The following KAZN variants were observed in gnomAD, a reference collection of about 807,000 sequenced individuals.
KAZN encodes the protein kazrin, periplakin interacting protein.
In KAZN, 40 loss-of-function variants were observed where a neutral mutation model predicts 87.4. The ratio of observed to expected loss-of-function variants is 0.46; its 90% CI spans 0.36 to 0.60. KAZN has a LOEUF of 0.60. Among genes scored for constraint, KAZN ranks in the 20% least tolerant of loss-of-function variants. KAZN has a pLI of 0.00. For missense variants in KAZN, 898 were observed against 1,073.9 expected (o/e 0.84, Z 2.29); for synonymous variants, 466 against 458.3 (o/e 1.02, Z -0.22).
At chr1:14,298,216 C>G (rs188434046) in intron 2 of KAZN, among the ~76,000 whole-genome samples, 1 of 152,138 alleles carries the variant, frequency 6.6e-6, no homozygotes, top group Admixed American at 6.5e-5. Flanking sequence ...CAGATTCAGA[C>G]CCGGTGTCTT....
At chr1:14,360,978 T>A (rs1659454615) in intron 2 of KAZN, among the ~76,000 whole-genome samples, 1 of 152,196 alleles carries the variant, frequency 6.6e-6, no homozygotes, top group Admixed American at 6.5e-5. Context: ...TGCTAGGAGA[T>A]CGGCTGCTCT....
chr1:14,584,046 C>T (rs1048468358), intron 2 of KAZN, among the ~76,000 whole-genome samples: 10 of 152,158 alleles, frequency 6.6e-5, no homozygotes, highest in Non-Finnish European at 1.3e-4. Flanking sequence ...GGATGTGTTG[C>T]GTGTGGACAT....
At chr1:14,890,533 CT>C (rs1363411384) in intron 1 of KAZN, among the ~76,000 whole-genome samples, 9 of 152,086 alleles carry the variant, frequency 5.9e-5, no homozygotes, top group African/African-American at 2.2e-4. Context: ...TTCTGCCCGC[CT>C]TTTAAAAAGA....
chr1:14,298,548 T>C (rs1191747799), intron 2 of KAZN, among the ~76,000 whole-genome samples: 1 of 152,266 alleles, frequency 6.6e-6, no homozygotes, highest in Non-Finnish European at 1.5e-5. Context: ...GTTCTTTTGA[T>C]ATATATCTCT....
intron 1 of KAZN, among the ~76,000 whole-genome samples, chr1:14,801,560 C>T (rs1369670931): frequency 2.6e-5 from 4 of 152,110 alleles, no homozygotes; most frequent in Non-Finnish European, 5.9e-5. Context: ...AGATAGTGGC[C>T]GTTTACCATG....
At chr1:14,488,803 C>G (rs183763660) in intron 2 of KAZN, among the ~76,000 whole-genome samples, 1 of 152,218 alleles carries the variant, frequency 6.6e-6, no homozygotes, top group Non-Finnish European at 1.5e-5. Context: ...CCCTCTCCAT[C>G]TGCCTCTGGC....
chr1:14,971,719 T>C (rs973458024), intron 2 of KAZN, among the ~76,000 whole-genome samples: 1 of 148,782 alleles, frequency 6.7e-6, no homozygotes, highest in African/African-American at 2.5e-5. Context: ...TCTCGCTCTG[T>C]TGCCCAGGCT....
At chr1:14,478,668 C>T (rs1027653098) in intron 2 of KAZN, among the ~76,000 whole-genome samples, 2 of 152,178 alleles carry the variant, frequency 1.3e-5, no homozygotes, top group Non-Finnish European at 2.9e-5. Context: ...CTTTTATGTC[C>T]CATGTGTCTC....
At chr1:14,853,532 G>A (rs1050202826) in intron 1 of KAZN, among the ~76,000 whole-genome samples, 1 of 152,106 alleles carries the variant, frequency 6.6e-6, no homozygotes, top group Non-Finnish European at 1.5e-5. Context: ...GTGGTAGGAG[G>A]GGGATTTGAA....
intron 1 of KAZN, among the ~76,000 whole-genome samples, chr1:14,134,141 T>C (rs1645054800): frequency 6.6e-6 from 1 of 152,216 alleles, no homozygotes; most frequent in African/African-American, 2.4e-5. Context: ...GCCAATTTTC[T>C]CATCTGCATG....
At chr1:14,593,372 T>C (rs1244142008) in intron 2 of KAZN, among the ~76,000 whole-genome samples, 2 of 152,152 alleles carry the variant, frequency 1.3e-5, no homozygotes, top group Non-Finnish European at 2.9e-5. Flanking sequence ...CAGAATGGGA[T>C]ATAAACCCTG....
chr1:14,552,097 T>C (rs1346966824), intron 2 of KAZN, among the ~76,000 whole-genome samples: 1 of 152,170 alleles, frequency 6.6e-6, no homozygotes, highest in Non-Finnish European at 1.5e-5. Context: ...CTTCCTTTGG[T>C]GCCCCTAAAA....
At chr1:14,139,520 C>G (rs1417146) in intron 1 of KAZN, among the ~76,000 whole-genome samples, 84,470 of 151,874 alleles carry the variant, frequency 0.56, 24,887 homozygotes, top group East Asian at 0.72. Flanking sequence ...TGTTGTTGTT[C>G]TTCCTCCTGG....
At chr1:15,059,381 A>G (rs1459324256) in intron 5 of KAZN, among the ~76,000 whole-genome samples, 3 of 152,236 alleles carry the variant, frequency 2.0e-5, no homozygotes, top group African/African-American at 4.8e-5. Context: ...GCAGGGGGAC[A>G]TGGCCTGTCT....
chr1:14,557,632 G>A (rs1673974701), intron 2 of KAZN, among the ~76,000 whole-genome samples: 1 of 22,720 alleles, frequency 4.4e-5, no homozygotes, highest in Admixed American at 4.7e-4. Context: ...GTGTGTGGGT[G>A]TGTGTGTGTG....
intron 2 of KAZN, among the ~76,000 whole-genome samples, chr1:14,521,347 C>A (rs1365974211): frequency 6.6e-6 from 1 of 152,202 alleles, no homozygotes; most frequent in Non-Finnish European, 1.5e-5. Flanking sequence ...CCCTCCAACC[C>A]TTCAGAATTG....
chr1:14,205,245 A>G (rs1422268698), intron 2 of KAZN, among the ~76,000 whole-genome samples: 1 of 152,212 alleles, frequency 6.6e-6, no homozygotes, highest in East Asian at 1.9e-4. Context: ...TGTTCTCAGG[A>G]GAGCGAGGAA....
intron 1 of KAZN, among the ~76,000 whole-genome samples, chr1:14,912,957 C>T (rs894231978): frequency 6.6e-6 from 1 of 152,166 alleles, no homozygotes; most frequent in African/African-American, 2.4e-5. Flanking sequence ...CAATGCCAGT[C>T]ATACTGACTG....
At chr1:14,614,224 G>C (rs1678040158) in intron 1 of KAZN, among the ~76,000 whole-genome samples, 1 of 152,178 alleles carries the variant, frequency 6.6e-6, no homozygotes. Flanking sequence ...GCAGCATTCA[G>C]ATTTATTAGA....
Sources: gnomAD v4.1 joint callset for allele counts (sites outside exome capture counted in the v4.1 genomes callset) on GRCh38, gnomAD v4.1.1 for gene constraint, MANE v1.5 for transcripts, NCBI Gene and HGNC (gene_info 2026-07-23, HGNC 2026-07-21) for gene names.